Variants in VWC2 observed in about 807,000 individuals in gnomAD.
VWC2 encodes brorin.
A neutral mutation model predicts 29.8 loss-of-function variants in VWC2; 14 were observed. The observed-to-expected ratio is 0.47, with a 90% confidence interval of 0.31 to 0.74. VWC2 has a LOEUF of 0.74. Ranked by LOEUF, VWC2 falls within the 30% of genes least tolerant of loss-of-function variation. VWC2 has a pLI of 0.05. For synonymous variants in VWC2, 213 were observed against 199.0 expected (o/e 1.07, Z -0.59); for missense variants, 457 against 459.8 (o/e 0.99, Z 0.05).
At chr7:49,895,545 G>C (rs181150494) in intron 3 of VWC2, among the ~76,000 whole-genome samples, 1 of 152,298 alleles carries the variant, frequency 6.6e-6, no homozygotes, top group Admixed American at 6.5e-5. Flanking sequence ...AGCTGTCCAT[G>C]AGGCAAGAAA....
chr7:49,913,871 T>C lies in VWC2; in HGVS notation c.*1686T>C, dbSNP rs1021463919. The C allele has an allele frequency of 1.3e-5, 2 of 152,192 alleles. No homozygotes were observed. The highest frequency in any genetic ancestry group is 4.8e-5 in the African/African-American group (2 of 41,432). 9.4% of individuals were successfully genotyped at this position (152,192 alleles called of 1,614,324 possible). ...TTAAACTATTGTGAACCTTAGTAAG[T>C]ATAAAGATGCCACTGACTGAGTCAT... is the stretch of plus-strand genomic sequence containing the variant. On this transcript the variant is annotated 3_prime_UTR_variant, in exon 4 of 4. Coordinates refer to ENST00000340652, the MANE Select transcript of VWC2 (RefSeq NM_198570.5).
chr7:49,828,378 A>G (rs2128710804), intron 3 of VWC2, among the ~76,000 whole-genome samples: 1 of 152,352 alleles, frequency 6.6e-6, no homozygotes, highest in South Asian at 2.1e-4. Context: ...ACAAGTAAAC[A>G]CTAAGGTTTT....
intron 3 of VWC2, among the ~76,000 whole-genome samples, chr7:49,887,868 C>G (rs965963187): frequency 2.0e-5 from 3 of 152,246 alleles, no homozygotes; most frequent in African/African-American, 7.2e-5. Context: ...TGCACTTAAC[C>G]ACCAGACTAG....
At chr7:49,846,313 A>G (rs910547054) in intron 3 of VWC2, among the ~76,000 whole-genome samples, 1 of 152,140 alleles carries the variant, frequency 6.6e-6, no homozygotes, top group African/African-American at 2.4e-5. Context: ...AACAATAACA[A>G]CAACAAACAT....
intron 3 of VWC2, among the ~76,000 whole-genome samples, chr7:49,856,038 A>G (rs1005497913): frequency 2.0e-5 from 3 of 152,182 alleles, no homozygotes; most frequent in Admixed American, 1.3e-4. Flanking sequence ...TAGTTCAGGT[A>G]TATAAGGCTG....
Position 49,773,958 on chromosome 7 carries a change from A to G in VWC2, c.-259A>G, listed in dbSNP as rs920959979. 1 of 151,940 alleles carries G rather than the reference A, an allele frequency of 6.6e-6. No individual in the cohort carries two copies. Among genetic ancestry groups the G allele is most frequent in the Non-Finnish European group, 1.5e-5 (1 of 67,964 alleles). The allele number at this position is 151,940 out of a possible 1,614,324, so 9.4% of individuals were successfully genotyped here. On this transcript the variant is annotated 5_prime_UTR_variant, in exon 1 of 4. Transcript: ENST00000340652. ...GACGCCCTAGCCCGGTGTGCGCGCC[A>G]GGCGGAGCGCGCAGGTGGGGCTGGG...
chr7:49,802,889 A>T, intron 3 of VWC2, 49 bp downstream of exon 3: 1 of 1,612,786 alleles, frequency 6.2e-7, no homozygotes, highest in South Asian at 1.1e-5. Flanking sequence ...ACCCTGATGC[A>T]CAACCCATGT....
chr7:49,840,714 C>T (rs371417488), intron 3 of VWC2, among the ~76,000 whole-genome samples: 29 of 152,168 alleles, frequency 1.9e-4, no homozygotes, highest in Middle Eastern at 3.4e-3. Context: ...CATAAAAAGC[C>T]GATTATTCAC....
chr7:49,888,941 A>C (rs551907426), intron 3 of VWC2, among the ~76,000 whole-genome samples: 2 of 152,026 alleles, frequency 1.3e-5, no homozygotes, highest in East Asian at 3.9e-4. Flanking sequence ...ACAAAAAAAA[A>C]CAAAAGAAGT....
At position 49,919,906 on chromosome 7, in the gene VWC2, T is replaced by C. The variant is rs1434407440; in HGVS notation, c.*7721T>C. On this transcript the variant is annotated 3_prime_UTR_variant, in exon 4 of 4. Coordinates refer to ENST00000340652, the MANE Select transcript of VWC2 (RefSeq NM_198570.5). ...TCATTATGTTCTATATATGTTTTTGTAGGTTTTAGATTAATTATGGCCAAC... is the reference window on the plus strand; with the variant it reads ...TCATTATGTTCTATATATGTTTTTGCAGGTTTTAGATTAATTATGGCCAAC... The C allele has an allele frequency of 1.3e-5, 2 of 152,238 alleles. No homozygotes were observed. Among genetic ancestry groups the C allele is most frequent in the Non-Finnish European group, 1.5e-5 (1 of 68,042 alleles). 9.4% of individuals were successfully genotyped at this position (152,238 alleles called of 1,614,324 possible).
Position 49,852,847 on chromosome 7 carries a change from G to A in VWC2, c.826+50007G>A, listed in dbSNP as rs556795471. Among the ~76,000 whole-genome samples, 11 of 152,318 alleles carry A rather than the reference G, an allele frequency of 7.2e-5. No individual in the cohort carries two copies. In the East Asian group the frequency reaches 7.7e-4, roughly 11 times the overall value. On this transcript the variant is annotated intron_variant, in intron 3 of 3. Coordinates refer to ENST00000340652, the MANE Select transcript of VWC2 (RefSeq NM_198570.5). ...GGACTCCGTCTCCATCTAGTGACTG[G>A]CTCCTTGAACTACAGTTGCAGATGG...
At chr7:49,901,042 G>C (rs979433555) in intron 3 of VWC2, 2 of 151,624 alleles carry the variant, frequency 1.3e-5, no homozygotes, top group African/African-American at 2.4e-5. Context: ...TTTATGATAA[G>C]GTAAACTAGG....
At chr7:49,881,587 G>A (rs1038678824) in intron 3 of VWC2, among the ~76,000 whole-genome samples, 2 of 152,138 alleles carry the variant, frequency 1.3e-5, no homozygotes, top group African/African-American at 2.4e-5. Context: ...AATGTGTGCT[G>A]TATCGTTTCT....
chr7:49,854,599 G>T (rs144872818), intron 3 of VWC2, among the ~76,000 whole-genome samples: 2,052 of 152,332 alleles, frequency 0.013, 21 homozygotes, highest in Non-Finnish European at 0.02. Flanking sequence ...GTTCTTTGCA[G>T]ATTCTGGATA....
At chr7:49,792,550 G>A (rs1788486649) in intron 2 of VWC2, among the ~76,000 whole-genome samples, 1 of 152,188 alleles carries the variant, frequency 6.6e-6, no homozygotes, top group African/African-American at 2.4e-5. Flanking sequence ...AAAAGGACTG[G>A]CTGGGGATGG....
chr7:49,843,157 A>T (rs1789839070), intron 3 of VWC2, among the ~76,000 whole-genome samples: 1 of 152,228 alleles, frequency 6.6e-6, no homozygotes, highest in East Asian at 1.9e-4. Context: ...TACAAGTGAG[A>T]ACATGCAGTT....
chr7:49,841,976 C>T (rs1789804008), intron 3 of VWC2, among the ~76,000 whole-genome samples: 1 of 152,062 alleles, frequency 6.6e-6, no homozygotes. Flanking sequence ...AAGCGATTCT[C>T]CTGTCTCAGC....
chr7:49,880,023 G>C (rs1444493064), intron 3 of VWC2, among the ~76,000 whole-genome samples: 1 of 152,100 alleles, frequency 6.6e-6, no homozygotes, highest in Non-Finnish European at 1.5e-5. Context: ...TGACCAGAGG[G>C]AGCATCATTT....
intron 3 of VWC2, among the ~76,000 whole-genome samples, chr7:49,831,410 G>T (rs183361411): frequency 6.6e-6 from 1 of 152,144 alleles, no homozygotes. Context: ...TGTAACAAAC[G>T]TATTTACTAA....
Sources: allele counts gnomAD v4.1 joint callset (sites outside exome capture counted in the v4.1 genomes callset), GRCh38; gene constraint gnomAD v4.1.1; transcripts MANE v1.5; gene names NCBI Gene and HGNC (gene_info 2026-07-23, HGNC 2026-07-21).